USP18: variants seen among roughly 807,000 people sequenced by gnomAD.
USP18 encodes the protein ubiquitin specific peptidase 18.
USP18 carries 11 observed loss-of-function variants against 48.7 expected under a neutral mutation model. The ratio of observed to expected loss-of-function variants is 0.23; its 90% CI spans 0.14 to 0.37. USP18 has a LOEUF of 0.37. Among genes scored for constraint, USP18 ranks in the 10% least tolerant of loss-of-function variants. The pLI is 1.00. For missense variants in USP18, 285 were observed against 436.4 expected, an observed-to-expected ratio of 0.65 and a Z score of 3.09; for synonymous variants, 114 against 163.2, an observed-to-expected ratio of 0.70 and a Z score of 2.30.
At chr22:18,163,073 T>G (rs533484638) in intron 4 of USP18, among the ~76,000 whole-genome samples, 1 of 152,050 alleles carries the variant, frequency 6.6e-6, no homozygotes, top group East Asian at 1.9e-4. Flanking sequence ...TCTTTTGAGC[T>G]CTTATTGCAG....
At chr22:18,163,311 C>G (rs2123734113) in intron 4 of USP18, among the ~76,000 whole-genome samples, 1 of 152,092 alleles carries the variant, frequency 6.6e-6, no homozygotes, top group African/African-American at 2.4e-5. Flanking sequence ...CTTCATTGTT[C>G]TTGATTCTCT....
intron 7 of USP18, among the ~76,000 whole-genome samples, chr22:18,170,363 G>A (rs1002596367): frequency 2.0e-4 from 30 of 152,304 alleles, no homozygotes; most frequent in African/African-American, 3.4e-4. Context: ...TATCTGGGAC[G>A]CTGTGGTTCT....
At chr22:18,171,761 A>G (rs1291542674) in intron 8 of USP18, among the ~76,000 whole-genome samples, 1 of 151,996 alleles carries the variant, frequency 6.6e-6, no homozygotes, top group Non-Finnish European at 1.5e-5. Flanking sequence ...CTTCTGTTTT[A>G]TTGGTCTGTT....
intron 1 of USP18, among the ~76,000 whole-genome samples, chr22:18,157,206 T>C (rs1438762123): frequency 2.6e-5 from 4 of 152,266 alleles, no homozygotes; most frequent in Non-Finnish European, 5.9e-5. Context: ...AGGCTTCCCC[T>C]GTATGCCAGC....
intron 8 of USP18, among the ~76,000 whole-genome samples, chr22:18,172,688 G>T (rs935531304): frequency 6.6e-6 from 1 of 151,386 alleles, no homozygotes; most frequent in African/African-American, 2.4e-5. Context: ...CACAAAGTCT[G>T]CAAATGGAAA....
intron 4 of USP18, among the ~76,000 whole-genome samples, chr22:18,164,833 C>A (rs1383726741): frequency 1.3e-5 from 2 of 152,098 alleles, no homozygotes; most frequent in African/African-American, 4.8e-5. Context: ...TGAGTGGGAA[C>A]TGCAAAAGCT....
chr22:18,150,449 G>A (rs2123722770), intron 1 of USP18, among the ~76,000 whole-genome samples: 1 of 152,130 alleles, frequency 6.6e-6, no homozygotes, highest in South Asian at 2.1e-4. Context: ...AACAAAAAAA[G>A]AAATTGCAGA....
intron 1 of USP18, among the ~76,000 whole-genome samples, chr22:18,152,360 G>A: frequency 6.6e-6 from 1 of 151,934 alleles, no homozygotes; most frequent in Admixed American, 6.6e-5. Context: ...TTGGTCCTGG[G>A]GCTTCTTTAG....
chr22:18,157,538 C>T lies in USP18; in HGVS notation c.-106-20C>T, dbSNP rs1025466771. 1.3e-5 allele frequency: 17 copies of T among 1,265,028 alleles called. No homozygotes were observed. Among genetic ancestry groups the T allele is most frequent in the Admixed American group, 1.2e-4 (6 of 48,224 alleles). The allele number at this position is 1,265,028 out of a possible 1,614,324, so 78.4% of individuals were successfully genotyped here. ...TTCCTCCTTCTCTAATTCTTGCCTA[C>T]CCGCATTGTATTTTCACAGAGATTC... On this transcript the variant is annotated intron_variant, in intron 1 of 10. Transcript: ENST00000215794.
At chr22:18,171,455 C>A (rs1166139434) in intron 8 of USP18, among the ~76,000 whole-genome samples, 2 of 142,114 alleles carry the variant, frequency 1.4e-5, no homozygotes, top group Non-Finnish European at 3.0e-5. Context: ...CATAATGAGA[C>A]CCCCGTCTCT....
intron 6 of USP18, among the ~76,000 whole-genome samples, chr22:18,168,395 TCC>T (rs147651861): frequency 0.42 from 60,565 of 143,028 alleles, 13,261 homozygotes; most frequent in African/African-American, 0.6. Flanking sequence ...TGCAATAACC[TCC>T]CCCCCCCCTT....
chr22:18,171,525 T>C (rs1051674451), intron 8 of USP18, among the ~76,000 whole-genome samples: 3 of 151,072 alleles, frequency 2.0e-5, no homozygotes, highest in Non-Finnish European at 4.4e-5. Flanking sequence ...CCCAGCTACT[T>C]GGGAGGCTGA....
chr22:18,159,485 T>C (rs924134174), intron 2 of USP18, among the ~76,000 whole-genome samples: 1 of 149,878 alleles, frequency 6.7e-6, no homozygotes, highest in Admixed American at 6.7e-5. Context: ...AGAAAAACAT[T>C]AGATTTTTGT....
At chr22:18,161,276 C>G (rs12169260) in intron 3 of USP18, among the ~76,000 whole-genome samples, 1,604 of 136,586 alleles carry the variant, frequency 0.012, 40 homozygotes, top group African/African-American at 0.042. Flanking sequence ...CTTTTCTGCC[C>G]TGTGCTCTCT....
At chr22:18,171,558 G>T (rs1929625190) in intron 8 of USP18, among the ~76,000 whole-genome samples, 1 of 151,754 alleles carries the variant, frequency 6.6e-6, no homozygotes, top group Non-Finnish European at 1.5e-5. Flanking sequence ...CTTGAGCCCA[G>T]GAGTTTGAGG....
chr22:18,170,864 T>C lies in USP18; in HGVS notation c.835T>C (p.Leu279=), dbSNP rs1929610327. The change falls in exon 8 of 11, where the codon TTG becomes CTG. Residue 279 remains leucine (L), a synonymous_variant. Coordinates refer to ENST00000215794, the MANE Select transcript of USP18 (RefSeq NM_017414.4). ...CCACTCCCTGTACTTCCCCCAGAGCTTGGATTTCAGCCAGATCCTTCCAAT... is the reference window on the plus strand; with the variant it reads ...CCACTCCCTGTACTTCCCCCAGAGCCTGGATTTCAGCCAGATCCTTCCAAT... ...ICHSLYFPQS[L]DFSQILPMKR... The C allele has an allele frequency of 1.3e-6, 2 of 1,535,402 alleles. No individual in the cohort carries two copies. The highest frequency in any genetic ancestry group is 1.1e-5 in the South Asian group (1 of 88,298).
At chr22:18,156,929 C>T (rs1467875278) in intron 1 of USP18, among the ~76,000 whole-genome samples, 1 of 151,002 alleles carries the variant, frequency 6.6e-6, no homozygotes, top group South Asian at 2.1e-4. Flanking sequence ...CAAACAGTGT[C>T]TCTCTTCACA....
chr22:18,155,151 G>A (rs1929094538), intron 1 of USP18, among the ~76,000 whole-genome samples: 1 of 152,272 alleles, frequency 6.6e-6, no homozygotes, highest in Admixed American at 6.5e-5. Flanking sequence ...TGCTGCTGAA[G>A]TTATTCAGGG....
intron 1 of USP18, among the ~76,000 whole-genome samples, chr22:18,153,178 C>T (rs1041625328): frequency 3.9e-5 from 6 of 152,126 alleles, no homozygotes; most frequent in African/African-American, 1.4e-4. Context: ...CCTGTAATCC[C>T]AGCACTTTGG....
Sources: allele counts gnomAD v4.1 joint callset (sites outside exome capture counted in the v4.1 genomes callset), GRCh38; gene constraint gnomAD v4.1.1; transcripts MANE v1.5; gene names NCBI Gene and HGNC (gene_info 2026-07-23, HGNC 2026-07-21).